Variants in ORC5 observed in about 807,000 individuals in gnomAD.
ORC5 encodes protein phosphatase 1, regulatory subunit 117.
In ORC5, 39 loss-of-function variants were observed where a neutral mutation model predicts 58.8. That is an observed-to-expected ratio of 0.66 (90% confidence interval 0.51 to 0.87). The LOEUF is 0.87. Ranked by LOEUF, ORC5 falls within the 40% of genes least tolerant of loss-of-function variation. The pLI is 0.00. For missense variants in ORC5, 493 were observed against 506.3 expected (o/e 0.97, Z 0.25); for synonymous variants, 218 against 177.6 (o/e 1.23, Z -1.81).
rs574391503 is a variant in ORC5 at position 104,151,269 on chromosome 7, G to T, written c.1149+9803C>A. 5.6e-4 allele frequency among the ~76,000 whole-genome samples: 86 copies of T among 152,214 alleles called. 1 individual carries two copies. The highest frequency in any genetic ancestry group is 7.4e-5 in the Non-Finnish European group (5 of 67,996). The stretch of plus-strand genomic sequence containing the variant: ...TTTTTCAAGATTTATGCTGATGACC[G>T]TATGGATGATGAACCAGCAAGTGCC... On this transcript the variant is annotated intron_variant, in intron 12 of 13. Transcript: ENST00000297431.
At chr7:104,143,517 AAAG>A (rs1419801587) in intron 12 of ORC5, among the ~76,000 whole-genome samples, 3 of 152,190 alleles carry the variant, frequency 2.0e-5, no homozygotes, top group Admixed American at 1.3e-4. Context: ...TAAATTGTGC[AAAG>A]AATATAATAT....
intron 8 of ORC5, among the ~76,000 whole-genome samples, chr7:104,173,453 G>A (rs1799253799): frequency 6.6e-6 from 1 of 152,174 alleles, no homozygotes; most frequent in South Asian, 2.1e-4. Context: ...TCAGAAGTGG[G>A]ACTTGCAGCA....
chr7:104,174,513 T>C (rs1238662998), intron 8 of ORC5, among the ~76,000 whole-genome samples: 1 of 152,112 alleles, frequency 6.6e-6, no homozygotes, highest in East Asian at 1.9e-4. Flanking sequence ...GATGGGCAAA[T>C]TGTTACAGAA....
At chr7:104,148,929 G>A (rs1229237125) in intron 12 of ORC5, among the ~76,000 whole-genome samples, 1 of 151,984 alleles carries the variant, frequency 6.6e-6, no homozygotes, top group Non-Finnish European at 1.5e-5. Context: ...AGCTATTTGG[G>A]AGGCTGAGGC....
intron 1 of ORC5, among the ~76,000 whole-genome samples, chr7:104,205,457 T>G (rs1800055959): frequency 6.6e-6 from 1 of 152,142 alleles, no homozygotes; most frequent in South Asian, 2.1e-4. Context: ...ATCAGAAAGT[T>G]AAGTCTCTAT....
At chr7:104,184,404 C>T (rs2115978347) in intron 6 of ORC5, 2 of 449,292 alleles carry the variant, frequency 4.5e-6, no homozygotes, top group Non-Finnish European at 3.9e-6. Flanking sequence ...GCTGTGACTG[C>T]ACCTGTGAAC....
intron 9 of ORC5, among the ~76,000 whole-genome samples, chr7:104,167,446 G>T (rs538461005): frequency 1.3e-5 from 2 of 152,220 alleles, no homozygotes; most frequent in East Asian, 3.9e-4. Context: ...TTTTCTATTT[G>T]GAAGTTTTGG....
At chr7:104,181,790 T>TAA (rs756957565) in intron 8 of ORC5, among the ~76,000 whole-genome samples, 1 of 106,204 alleles carries the variant, frequency 9.4e-6, no homozygotes. Flanking sequence ...AGACTCCGTC[T>TAA]CAAAAAAAAA....
chr7:104,128,711 T>A (rs1178978388), intron 13 of ORC5, among the ~76,000 whole-genome samples: 2 of 123,550 alleles, frequency 1.6e-5, no homozygotes, highest in African/African-American at 6.1e-5. Flanking sequence ...GAGTGTGATG[T>A]TCCCCTTCCT....
chr7:104,206,915 G>GT (rs772012881), intron 1 of ORC5, among the ~76,000 whole-genome samples: 22 of 152,184 alleles, frequency 1.4e-4, no homozygotes, highest in Non-Finnish European at 2.6e-4. Context: ...CAGCCTAGGT[G>GT]TATAGCAGGC....
At chr7:104,174,666 C>G (rs1486919522) in intron 8 of ORC5, among the ~76,000 whole-genome samples, 2 of 152,216 alleles carry the variant, frequency 1.3e-5, no homozygotes, top group African/African-American at 4.8e-5. Flanking sequence ...CAACGGCAGT[C>G]TCCCAATAGA....
intron 12 of ORC5, among the ~76,000 whole-genome samples, chr7:104,144,641 C>T (rs1798727149): frequency 1.3e-5 from 2 of 152,280 alleles, no homozygotes; most frequent in Admixed American, 6.5e-5. Context: ...CCTGTAATCC[C>T]AGCTATTCTG....
At chr7:104,189,188 T>C (rs959206235) in intron 5 of ORC5, among the ~76,000 whole-genome samples, 3 of 151,960 alleles carry the variant, frequency 2.0e-5, no homozygotes, top group African/African-American at 4.8e-5. Flanking sequence ...GAAATACCCA[T>C]GACTGGGTAA....
At chr7:104,139,043 A>C (rs912190866) in intron 12 of ORC5, among the ~76,000 whole-genome samples, 1 of 152,222 alleles carries the variant, frequency 6.6e-6, no homozygotes, top group African/African-American at 2.4e-5. Context: ...GTCTCCCATA[A>C]GCCAGCAGGA....
intron 4 of ORC5, among the ~76,000 whole-genome samples, chr7:104,197,275 C>T (rs2116064640): frequency 6.6e-6 from 1 of 152,260 alleles, no homozygotes; most frequent in Admixed American, 6.5e-5. Flanking sequence ...ACTTACTGTA[C>T]TTTGTGAAGC....
intron 8 of ORC5, among the ~76,000 whole-genome samples, chr7:104,182,323 T>C (rs541865431): frequency 6.6e-6 from 1 of 152,310 alleles, no homozygotes; most frequent in South Asian, 2.1e-4. Flanking sequence ...TCGAAGATAT[T>C]AGAACAAGAC....
intron 13 of ORC5, among the ~76,000 whole-genome samples, chr7:104,131,217 TG>T (rs369902109): frequency 3.4e-4 from 52 of 152,302 alleles, no homozygotes; most frequent in African/African-American, 1.2e-3. Flanking sequence ...GTCTCAATTT[TG>T]TCTCCTCCTT....
intron 4 of ORC5, 43 bp downstream of exon 4, chr7:104,197,682 T>C (rs982546224): frequency 1.6e-6 from 2 of 1,276,764 alleles, no homozygotes; most frequent in African/African-American, 1.5e-5. Context: ...ACACAATCCA[T>C]TGATTAAGTT....
At chr7:104,206,632 G>A (rs1466133872) in intron 1 of ORC5, among the ~76,000 whole-genome samples, 1 of 152,118 alleles carries the variant, frequency 6.6e-6, no homozygotes, top group African/African-American at 2.4e-5. Context: ...TTAGACAGAG[G>A]GTAGTACTTT....
Sources: allele counts gnomAD v4.1 joint callset (sites outside exome capture counted in the v4.1 genomes callset), GRCh38; gene constraint gnomAD v4.1.1; transcripts MANE v1.5; gene names NCBI Gene and HGNC (gene_info 2026-07-23, HGNC 2026-07-21).